Variants in TMEM192 observed in about 807,000 individuals in gnomAD.
TMEM192 encodes the protein transmembrane protein 192.
Under a neutral mutation model 26.7 loss-of-function variants are expected in TMEM192, and 20 were observed. The observed-to-expected ratio is 0.75, with a 90% CI of 0.53 to 1.09. The LOEUF (loss-of-function observed/expected upper bound fraction) is 1.09. TMEM192 is among the 50% of genes least tolerant of loss of function. The pLI is 0.00. For synonymous variants in TMEM192, 124 were observed against 121.0 expected, an observed-to-expected ratio of 1.02 and a Z score of -0.16; for missense variants, 304 against 322.6, an observed-to-expected ratio of 0.94 and a Z score of 0.44.
At chr4:165,085,827 C>T in intron 4 of TMEM192, 139 bp from the exon 5 acceptor site, 2 of 606,502 alleles carry the variant, frequency 3.3e-6, no homozygotes, top group South Asian at 4.3e-5. Flanking sequence ...TGTTCTAAGC[C>T]CTGGGAATAT....
chr4:165,099,639 C>T (rs369441620), intron 3 of TMEM192, among the ~76,000 whole-genome samples: 15 of 152,262 alleles, frequency 9.9e-5, no homozygotes, highest in African/African-American at 3.4e-4. Flanking sequence ...AAGAAAAGCA[C>T]TGAGCTTCAT....
At chr4:165,101,019 C>T in intron 2 of TMEM192, 127 bp from the exon 3 acceptor site, 1 of 1,051,544 alleles carries the variant, frequency 9.5e-7, no homozygotes, top group Non-Finnish European at 1.3e-6. Flanking sequence ...CTCTGTCGCC[C>T]AGGCTGGAGT....
In TMEM192 at chr4:165,100,702, CTGAT is replaced by C; in HGVS notation, c.361_364del (p.Ile121GlufsTer7). 6.2e-7 allele frequency: 1 copy of C among 1,614,084 alleles called. No homozygotes were observed. The highest frequency in any genetic ancestry group is 1.1e-5 in the South Asian group (1 of 91,080). On this transcript the variant is annotated frameshift_variant, in exon 3 of 6. Coordinates refer to ENST00000306480, the MANE Select transcript of TMEM192 (RefSeq NM_001100389.2). LOFTEE classifies it high-confidence loss of function. ...GTAGATCAAGTTATAGCCTCGGTTT[CTGAT>C]TTTGCTGTGGTGATACTGGATGTAG...
At chr4:165,112,132 T>G (rs1735306237) in intron 1 of TMEM192, among the ~76,000 whole-genome samples, 1 of 152,222 alleles carries the variant, frequency 6.6e-6, no homozygotes, top group African/African-American at 2.4e-5. Flanking sequence ...TATCAAAGAT[T>G]TAAAAACCTT....
At chr4:165,096,389 A>G (rs1385187443) in intron 3 of TMEM192, among the ~76,000 whole-genome samples, 2 of 151,732 alleles carry the variant, frequency 1.3e-5, no homozygotes, top group African/African-American at 4.8e-5. Flanking sequence ...TGGACAACAG[A>G]GCAAGACTCT....
At chr4:165,083,338 A>C (rs151174659) in intron 5 of TMEM192, among the ~76,000 whole-genome samples, 1 of 40,332 alleles carries the variant, frequency 2.5e-5, no homozygotes, top group African/African-American at 4.4e-5. Flanking sequence ...TGACAAAAAA[A>C]AGTTGTATTT....
At chr4:165,090,637 G>C (rs112812403) in intron 3 of TMEM192, among the ~76,000 whole-genome samples, 105 of 152,292 alleles carry the variant, frequency 6.9e-4, no homozygotes, top group African/African-American at 2.4e-3. Flanking sequence ...AGGTGTGGTG[G>C]CTCACACTTG....
At chr4:165,095,998 T>C (rs1280974488) in intron 3 of TMEM192, among the ~76,000 whole-genome samples, 1 of 151,352 alleles carries the variant, frequency 6.6e-6, no homozygotes, top group Non-Finnish European at 1.5e-5. Flanking sequence ...GGTTTCACCA[T>C]GTTGGCCAGG....
rs778614917 is a variant in TMEM192 at position 165,103,031 on chromosome 4, G to C, written c.93C>G (p.His31Gln). ...GTCTAAAGTGAGCTTGTAATGAGTG[G>C]TGTGGGAGAAGCTGGGCATCCAGAA... ...DPLLDAQLLP[H>Q]HSLQAHFRPR... Residue 31 changes from histidine (H) to glutamine (Q), a missense_variant, in exon 2 of 6, where the codon CAC becomes CAG. Coordinates refer to ENST00000306480, the MANE Select transcript of TMEM192 (RefSeq NM_001100389.2). The C allele has an allele frequency of 5.6e-6, 9 of 1,613,438 alleles. No individual in the cohort carries two copies. Among genetic ancestry groups the C allele is most frequent in the Non-Finnish European group, 7.6e-6 (9 of 1,179,760 alleles).
At chr4:165,090,081 T>C (rs1734717871) in intron 3 of TMEM192, among the ~76,000 whole-genome samples, 1 of 151,852 alleles carries the variant, frequency 6.6e-6, no homozygotes, top group South Asian at 2.1e-4. Flanking sequence ...CGTGCTGGCA[T>C]ATGCCTGTAA....
At chr4:165,095,526 A>C (rs1277546047) in intron 3 of TMEM192, among the ~76,000 whole-genome samples, 1 of 152,134 alleles carries the variant, frequency 6.6e-6, no homozygotes, top group Non-Finnish European at 1.5e-5. Context: ...GGACACAATC[A>C]CTATGCCCTC....
chr4:165,105,442 G>A (rs1014520040), intron 1 of TMEM192, among the ~76,000 whole-genome samples: 12 of 152,082 alleles, frequency 7.9e-5, no homozygotes, highest in African/African-American at 1.9e-4. Context: ...AAGTTTTACC[G>A]CTTTCTAGCT....
intron 3 of TMEM192, among the ~76,000 whole-genome samples, chr4:165,089,186 C>T (rs1313561080): frequency 6.6e-6 from 1 of 151,840 alleles, no homozygotes; most frequent in African/African-American, 2.4e-5. Flanking sequence ...ACTGAAGGGG[C>T]AAACCCAGCA....
chr4:165,104,823 G>A (rs1195300428), intron 1 of TMEM192, among the ~76,000 whole-genome samples: 1 of 152,084 alleles, frequency 6.6e-6, no homozygotes, highest in Admixed American at 6.6e-5. Flanking sequence ...GAGCCACCGC[G>A]CCTGGCCAAG....
chr4:165,107,711 A>G (rs1735198082), intron 1 of TMEM192, among the ~76,000 whole-genome samples: 1 of 151,966 alleles, frequency 6.6e-6, no homozygotes, highest in Non-Finnish European at 1.5e-5. Flanking sequence ...TCTTTCATGA[A>G]ACACTTTCCA....
At chr4:165,102,791 T>G (rs1407750861) in intron 2 of TMEM192, among the ~76,000 whole-genome samples, 159 bp downstream of exon 2, 3 of 151,310 alleles carry the variant, frequency 2.0e-5, no homozygotes, top group Admixed American at 2.0e-4. Context: ...GTACTTTTTT[T>G]TTTTTTTTTT....
chr4:165,093,799 T>C (rs1408674954), intron 3 of TMEM192, among the ~76,000 whole-genome samples: 1 of 152,182 alleles, frequency 6.6e-6, no homozygotes, highest in African/African-American at 2.4e-5. Context: ...CTCAGCTCAC[T>C]GCAACCTCTG....
chr4:165,107,797 C>A (rs902359676), intron 1 of TMEM192, among the ~76,000 whole-genome samples: 1 of 152,180 alleles, frequency 6.6e-6, no homozygotes, highest in Non-Finnish European at 1.5e-5. Flanking sequence ...TCTGCGGTGC[C>A]TTTTTAGCAT....
intron 3 of TMEM192, among the ~76,000 whole-genome samples, chr4:165,093,018 G>A (rs1734802166): frequency 6.7e-6 from 1 of 150,096 alleles, no homozygotes; most frequent in South Asian, 2.1e-4. Flanking sequence ...ACCTGCCACA[G>A]TATATTAGCA....
Sources: allele counts gnomAD v4.1 joint callset (sites outside exome capture counted in the v4.1 genomes callset), GRCh38; gene constraint gnomAD v4.1.1; transcripts MANE v1.5; gene names NCBI Gene and HGNC (gene_info 2026-07-23, HGNC 2026-07-21).